TCN2: variants seen among roughly 807,000 people sequenced by gnomAD.
The protein encoded by TCN2 is transcobalamin 2, also known as transcobalamin-2.
TCN2 carries 34 observed loss-of-function variants against 48.6 expected under a neutral mutation model. The ratio of observed to expected loss-of-function variants is 0.70; its 90% CI spans 0.53 to 0.93. The LOEUF (loss-of-function observed/expected upper bound fraction) is 0.93, where lower values mean the gene tolerates loss of function less well. Ranked by LOEUF, TCN2 falls within the 40% of genes least tolerant of loss-of-function variation. TCN2 has a pLI of 0.00. For missense variants in TCN2, 652 were observed against 526.1 expected, an observed-to-expected ratio of 1.24 and a Z score of -2.34; for synonymous variants, 283 against 212.5, an observed-to-expected ratio of 1.33 and a Z score of -2.89.
In TCN2 at chr22:30,614,454, A is replaced by G; in HGVS notation, c.533A>G (p.Lys178Arg). The change falls in exon 4 of 9, where the codon AAA (lysine) becomes AGA (arginine). Residue 178 changes from lysine to arginine, a missense_variant. By Grantham distance (26) the Lys-to-Arg change is conservative (BLOSUM62 2). Coordinates refer to ENST00000215838, the MANE Select transcript of TCN2 (RefSeq NM_000355.4). Reference protein sequence around the residue: ...QKRVHDSVVDKLLYAVEPFHQ... With the variant: ...QKRVHDSVVDRLLYAVEPFHQ... ...CGGGTCCATGACAGCGTGGTGGACA[A>G]ACTTCTGTATGCTGTGGAACCTTTC... 6.2e-7 allele frequency: 1 copy of G among 1,614,100 alleles called. No individual in the cohort carries two copies.
At chr22:30,620,165 CAAAG>C (rs1369853343) in intron 7 of TCN2, among the ~76,000 whole-genome samples, 2 of 149,948 alleles carry the variant, frequency 1.3e-5, no homozygotes, top group African/African-American at 4.9e-5. Flanking sequence ...TTTTAAAAGA[CAAAG>C]GGCTGAGTGT....
chr22:30,619,882 G>C (rs1294844745), intron 7 of TCN2, among the ~76,000 whole-genome samples: 2 of 152,176 alleles, frequency 1.3e-5, no homozygotes, highest in Non-Finnish European at 2.9e-5. Flanking sequence ...GGCCAGAGCT[G>C]GTGGCTCACT....
chr22:30,612,884 G>A lies in TCN2; in HGVS notation c.269G>A (p.Ser90Asn), dbSNP rs2087561647. The A allele has an allele frequency of 6.2e-7, 1 of 1,613,774 alleles. No homozygotes were observed. The highest frequency in any genetic ancestry group is 8.5e-7 in the Non-Finnish European group (1 of 1,180,026). ...TGGCCTTGTCCTAGGTCTGCCTTCAGCGAGGATGACGGTGACTGCCAGGGC... is the reference window on the plus strand; with the variant it reads ...TGGCCTTGTCCTAGGTCTGCCTTCAACGAGGATGACGGTGACTGCCAGGGC... ...YQQCLLGSAF[S>N]EDDGDCQGKP... The change falls in exon 3 of 9, where the codon AGC (serine) becomes AAC (asparagine). Residue 90 changes from serine to asparagine, a missense_variant. Transcript: ENST00000215838.
At chr22:30,625,683 C>T (rs914809499) in intron 8 of TCN2, among the ~76,000 whole-genome samples, 3 of 152,044 alleles carry the variant, frequency 2.0e-5, no homozygotes, top group African/African-American at 7.2e-5. Context: ...AGGCTGGTCT[C>T]GAACTTCTGA....
rs1170593090 is a variant in TCN2, at chr22:30,612,987, G to A, written c.372G>A (p.Gly124=). The A allele has an allele frequency of 6.2e-7, 1 of 1,614,214 alleles. No homozygotes were observed. The highest frequency in any genetic ancestry group is 8.5e-7 in the Non-Finnish European group (1 of 1,180,048). The change falls in exon 3 of 9, where the codon GGG becomes GGA. Residue 124 remains glycine, a synonymous_variant. Transcript: ENST00000215838. Reference sequence around the variant, plus strand: ...GTGAGTTTGTCAGGGGCCACAAGGGGGACAGGCTGGTCTCACAGCTCAAAT... The same window carrying A: ...GTGAGTTTGTCAGGGGCCACAAGGGAGACAGGCTGGTCTCACAGCTCAAAT... ...ANCEFVRGHK[G]DRLVSQLKWF...
chr22:30,624,068 A>ACACACACATATATATG (rs2087766215), intron 8 of TCN2, among the ~76,000 whole-genome samples: 1 of 100,644 alleles, frequency 9.9e-6, no homozygotes, highest in Non-Finnish European at 1.9e-5. Context: ...ACACATATAT[A>ACACACACATATATATG]TATATATATA....
intron 7 of TCN2, among the ~76,000 whole-genome samples, chr22:30,620,199 C>T (rs1162198465): frequency 3.3e-5 from 5 of 151,724 alleles, no homozygotes; most frequent in African/African-American, 7.3e-5. Flanking sequence ...CACCTGTAAT[C>T]CCAGCACTTT....
intron 8 of TCN2, among the ~76,000 whole-genome samples, chr22:30,624,693 A>G (rs115095252): frequency 0.011 from 1,644 of 152,234 alleles, 24 homozygotes; most frequent in African/African-American, 0.036. Flanking sequence ...TGTAGCCTCT[A>G]TCTCCTTCCC....
At chr22:30,626,159 G>T (rs1197584703) in intron 8 of TCN2, among the ~76,000 whole-genome samples, 1 of 152,136 alleles carries the variant, frequency 6.6e-6, no homozygotes. Context: ...CGTGGTCCTG[G>T]TTCTCTCTCC....
chr22:30,626,254 C>T (rs142476352), intron 8 of TCN2, among the ~76,000 whole-genome samples: 112 of 152,100 alleles, frequency 7.4e-4, no homozygotes, highest in Middle Eastern at 3.4e-3. Context: ...GTTTTTATTA[C>T]CAGATGAGGT....
In TCN2 at chr22:30,615,284, C is replaced by G. The variant is rs1485862463; in HGVS notation, c.581-17C>G. 6.2e-7 allele frequency: 1 copy of G among 1,614,116 alleles called. No homozygotes were observed. The highest frequency in any genetic ancestry group is 1.1e-5 in the South Asian group (1 of 91,060). On this transcript the variant is annotated splice_polypyrimidine_tract_variant and intron_variant, in intron 4 of 8. Coordinates refer to ENST00000215838, the MANE Select transcript of TCN2 (RefSeq NM_000355.4). ...TTGGCTCTCCAGCTCATTGCATGTT[C>G]TGTCCCCCACTTCAAGACACAGCAG... is the stretch of plus-strand genomic sequence containing the variant.
intron 7 of TCN2, among the ~76,000 whole-genome samples, chr22:30,621,884 T>TGA (rs2087705569): frequency 6.6e-6 from 1 of 152,192 alleles, no homozygotes; most frequent in Non-Finnish European, 1.5e-5. Flanking sequence ...TCCTCCCTTC[T>TGA]CCTCTGGCAA....
rs1185363123 is a variant in TCN2, at chr22:30,627,092, TGCAGGG to T, written c.*578_*583del. 5.9e-6 allele frequency: 1 copy of T among 170,410 alleles called. No individual in the cohort carries two copies. Among genetic ancestry groups the T allele is most frequent in the African/African-American group, 2.4e-5 (1 of 41,944 alleles). The allele number at this position is 170,410 out of a possible 1,614,324, so 10.6% of individuals were successfully genotyped here. Reference sequence around the variant, plus strand: ...GGCCTGGTGCCTCATACTCCTCAGGTGCAGGGGCAGGGACAAGAGAAGGGGGAAGTA... The same window carrying T: ...GGCCTGGTGCCTCATACTCCTCAGGTGCAGGGACAAGAGAAGGGGGAAGTA... On this transcript the variant is annotated 3_prime_UTR_variant, in exon 9 of 9. Coordinates refer to ENST00000215838, the MANE Select transcript of TCN2 (RefSeq NM_000355.4).
At chr22:30,624,603 A>C (rs1350910259) in intron 8 of TCN2, among the ~76,000 whole-genome samples, 2 of 152,166 alleles carry the variant, frequency 1.3e-5, no homozygotes, top group Non-Finnish European at 2.9e-5. Flanking sequence ...TGGAGACCCC[A>C]AGTCTGGCCA....
chr22:30,622,276 T>A (rs1483527347), intron 7 of TCN2, among the ~76,000 whole-genome samples: 1 of 151,866 alleles, frequency 6.6e-6, no homozygotes, highest in Non-Finnish European at 1.5e-5. Context: ...GTTGAGCCAC[T>A]GTGCCTGGCC....
At chr22:30,623,799 C>CATAT (rs1555896205) in intron 8 of TCN2, among the ~76,000 whole-genome samples, 145 of 3,174 alleles carry the variant, frequency 0.046, 3 homozygotes, top group Middle Eastern at 0.1. Flanking sequence ...CATATATACA[C>CATAT]ACATACACAT....
Position 30,626,680 on chromosome 22 carries a change from GC to G in TCN2, c.*162del, listed in dbSNP as rs1214374970. On this transcript the variant is annotated 3_prime_UTR_variant, in exon 9 of 9. Transcript: ENST00000215838. ...CACCCCAGCCACAAGCCCTTCGAGG[GC>G]CCTATACCATGGCCCACCTTGGAGC... is the stretch of plus-strand genomic sequence containing the variant. 4 of 785,106 alleles carry G rather than the reference GC, an allele frequency of 5.1e-6. No homozygotes were observed. In the East Asian group the frequency reaches 1.1e-4, roughly 21 times the overall value. 48.6% of individuals were successfully genotyped at this position (785,106 alleles called of 1,614,324 possible).
chr22:30,611,197 C>G, intron 2 of TCN2, 134 bp downstream of exon 2: 3 of 1,042,502 alleles, frequency 2.9e-6, no homozygotes, highest in Non-Finnish European at 3.0e-6. Flanking sequence ...AATGGAGGAC[C>G]TTTGTCCATC....
Position 30,623,985 on chromosome 22 carries a change from C to T in TCN2, c.1222+902C>T, listed in dbSNP as rs1195360367. ...ATATACACACACATATATATGTATA[C>T]ATATATACACACATATATATGTATA... is the stretch of plus-strand genomic sequence containing the variant. On this transcript the variant is annotated intron_variant, in intron 8 of 8. Transcript: ENST00000215838. 1.2e-3 allele frequency among the ~76,000 whole-genome samples: 55 copies of T among 46,184 alleles called. 1 individual carries two copies. The highest frequency in any genetic ancestry group is 2.0e-3 in the Non-Finnish European group (44 of 22,342). The allele number at this position is 46,184 out of a possible 152,430, so 30.3% of individuals were successfully genotyped here. A position where few individuals can be genotyped will look rare whatever the true frequency, so the allele number is the denominator to read the frequency against.
Sources: gnomAD v4.1 joint callset for allele counts (sites outside exome capture counted in the v4.1 genomes callset) on GRCh38, gnomAD v4.1.1 for gene constraint, MANE v1.5 for transcripts, NCBI Gene and HGNC (gene_info 2026-07-23, HGNC 2026-07-21) for gene names.